The following CSNK1G2 variants were observed in gnomAD, a reference collection of about 807,000 sequenced individuals.
CSNK1G2 encodes casein kinase 1 gamma 2, also known as casein kinase I isoform gamma-2.
A neutral mutation model predicts 48.0 loss-of-function variants in CSNK1G2; 11 were observed. The ratio of observed to expected loss-of-function variants is 0.23; its 90% CI spans 0.14 to 0.38. The LOEUF is 0.38. Among genes scored for constraint, CSNK1G2 ranks in the 10% least tolerant of loss-of-function variants. The pLI is 1.00. For missense variants in CSNK1G2, 446 were observed against 595.5 expected, an observed-to-expected ratio of 0.75 and a Z score of 2.61; for synonymous variants, 337 against 254.1, an observed-to-expected ratio of 1.33 and a Z score of -3.10.
chr19:1,964,978 G>A (rs559281530), intron 1 of CSNK1G2, among the ~76,000 whole-genome samples: 208 of 151,018 alleles, frequency 1.4e-3, no homozygotes, highest in Non-Finnish European at 2.5e-3. Flanking sequence ...CGCCTGCCTC[G>A]GCCTCCCAAA....
At position 1,978,536 on chromosome 19, in the gene CSNK1G2, C is replaced by CGG; in HGVS notation, c.298+29_298+30dup. On this transcript the variant is annotated intron_variant, in intron 4 of 11. Coordinates refer to ENST00000255641, the MANE Select transcript of CSNK1G2 (RefSeq NM_001319.7). This position sits in a 1 kb window ranked among gnomAD's most constrained non-coding sequence, Gnocchi z 7.3. ...GGTACCGGGCGGCCCGCGGGTGGGG[C>CGG]GGGGGCTGCGCAGGGGCAGGGAGGG... 1.9e-6 allele frequency: 3 copies of CGG among 1,567,876 alleles called. No individual in the cohort carries two copies. Among genetic ancestry groups the CGG allele is most frequent in the Non-Finnish European group, 2.6e-6 (3 of 1,157,476 alleles).
At chr19:1,963,513 A>G (rs766833469) in intron 1 of CSNK1G2, among the ~76,000 whole-genome samples, 5 of 144,022 alleles carry the variant, frequency 3.5e-5, no homozygotes, top group South Asian at 2.2e-4. Context: ...CGCCCAGCCT[A>G]TTTTCTTTCT....
intron 1 of CSNK1G2, among the ~76,000 whole-genome samples, chr19:1,946,839 C>T (rs1167746339): frequency 6.6e-6 from 1 of 151,894 alleles, no homozygotes; most frequent in Non-Finnish European, 1.5e-5. Context: ...TCTCCATCTC[C>T]TGACCTTGTG....
chr19:1,959,656 C>G lies in CSNK1G2; in HGVS notation c.-265-9852C>G, dbSNP rs183902467. On this transcript the variant is annotated intron_variant, in intron 1 of 11. Transcript: ENST00000255641. ...TAGTGCCACCGTGGGTCCCCCAGCA[C>G]CCGCCCCACCTTTAGTGCCACCGTG... is the stretch of plus-strand genomic sequence containing the variant. 1.1e-4 allele frequency among the ~76,000 whole-genome samples: 14 copies of G among 132,146 alleles called. 1 individual carries two copies. The highest frequency in any genetic ancestry group is 3.6e-3 in the Middle Eastern group (1 of 280). 86.7% of individuals were successfully genotyped at this position (132,146 alleles called of 152,430 possible).
intron 1 of CSNK1G2, among the ~76,000 whole-genome samples, chr19:1,958,509 GCT>G (rs1293991710): frequency 8.9e-6 from 1 of 111,926 alleles, no homozygotes; most frequent in Non-Finnish European, 1.8e-5. Context: ...CAGCAGCTCA[GCT>G]CTCCCAGGCA....
chr19:1,974,974 A>G (rs2015703587), intron 2 of CSNK1G2: 7 of 775,720 alleles, frequency 9.0e-6, no homozygotes, highest in African/African-American at 1.9e-5. Context: ...TTCAGAGCCC[A>G]GAGCGCCCGA....
chr19:1,975,409 G>A, intron 2 of CSNK1G2: 1 of 985,490 alleles, frequency 1.0e-6, no homozygotes, highest in Non-Finnish European at 1.2e-6. Flanking sequence ...CGCAGGAAGA[G>A]CTACACAGCC....
chr19:1,961,488 G>A (rs1262299722), intron 1 of CSNK1G2, among the ~76,000 whole-genome samples: 1 of 152,250 alleles, frequency 6.6e-6, no homozygotes, highest in African/African-American at 2.4e-5. Flanking sequence ...CGTTTCTCCA[G>A]AAGGCCCTGC....
At chr19:1,948,154 C>T (rs189611338) in intron 1 of CSNK1G2, among the ~76,000 whole-genome samples, 8 of 152,284 alleles carry the variant, frequency 5.3e-5, no homozygotes, top group African/African-American at 1.2e-4. Flanking sequence ...TCTGGAAGGC[C>T]GCTGCCCCGG....
chr19:1,953,406 C>T (rs370365908), intron 1 of CSNK1G2: 10 of 534,316 alleles, frequency 1.9e-5, no homozygotes, highest in Non-Finnish European at 3.5e-5. Flanking sequence ...GTCTGGAAGG[C>T]CGTCTTTGTG....
chr19:1,960,035 G>A (rs1315425392), intron 1 of CSNK1G2, among the ~76,000 whole-genome samples: 1 of 152,198 alleles, frequency 6.6e-6, no homozygotes, highest in Non-Finnish European at 1.5e-5. Flanking sequence ...GGCATAACCT[G>A]GGGGAAGCCA....
chr19:1,978,820 G>C lies in CSNK1G2; in HGVS notation c.448-39G>C, dbSNP rs1269185957. On this transcript the variant is annotated intron_variant, in intron 5 of 11. Coordinates refer to ENST00000255641, the MANE Select transcript of CSNK1G2 (RefSeq NM_001319.7). The surrounding 1 kb of genome is among the most constrained non-coding windows in gnomAD (Gnocchi z 7.3). ...GGCCCTGGAGGGGAGCGCGTGGGAC[G>C]GGGAGGGGCCCGGCCGACACCGCCG... The C allele has an allele frequency of 2.5e-6, 4 of 1,592,104 alleles. No homozygotes were observed. Among genetic ancestry groups the C allele is most frequent in the Admixed American group, 1.7e-5 (1 of 58,728 alleles).
intron 2 of CSNK1G2, chr19:1,975,570 C>T (rs1445152298): frequency 3.1e-5 from 31 of 985,322 alleles, no homozygotes; most frequent in South Asian, 9.4e-5. Flanking sequence ...AGGAGCCCAC[C>T]GCAGGGGCAG....
chr19:1,970,196 T>A (rs745310830), intron 2 of CSNK1G2, among the ~76,000 whole-genome samples: 2 of 152,206 alleles, frequency 1.3e-5, no homozygotes, highest in African/African-American at 2.4e-5. Flanking sequence ...GAAACAGTTC[T>A]GTTGGGAGGC....
chr19:1,969,139 G>A (rs552138878), intron 1 of CSNK1G2, among the ~76,000 whole-genome samples: 43 of 152,264 alleles, frequency 2.8e-4, no homozygotes, highest in Non-Finnish European at 4.3e-4. Context: ...CTGGGGGTGC[G>A]ACTGCTCCCC....
intron 2 of CSNK1G2, among the ~76,000 whole-genome samples, chr19:1,976,642 A>G (rs1302609767): frequency 6.6e-6 from 1 of 152,078 alleles, no homozygotes; most frequent in Non-Finnish European, 1.5e-5. Context: ...GGGACTTTGA[A>G]TCCACCTTAG....
Position 1,978,584 on chromosome 19 carries a change from G to A in CSNK1G2, c.299-18G>A, listed in dbSNP as rs373031517. ...GGGGGCTGCCGCCGCACGCCCGTGC[G>A]TCTGTCCTCCGCCGCAGAGGGCGTC... On this transcript the variant is annotated intron_variant, in intron 4 of 11. Transcript: ENST00000255641. The surrounding 1 kb of genome is among the most constrained non-coding windows in gnomAD (Gnocchi z 7.3). 7.0e-6 allele frequency: 11 copies of A among 1,582,576 alleles called. No individual in the cohort carries two copies. The highest frequency in any genetic ancestry group is 1.7e-4 in the Middle Eastern group (1 of 5,976).
rs1156681403 is a variant in CSNK1G2 at position 1,957,738 on chromosome 19, G to T, written c.-265-11770G>T. Among the ~76,000 whole-genome samples the T allele has an allele frequency of 2.0e-5, 3 of 152,264 alleles. No homozygotes were observed. Among genetic ancestry groups the T allele is most frequent in the African/African-American group, 7.2e-5 (3 of 41,566 alleles). ...GAGGGCGTCTGGCGGCATTTGAGCA[G>T]CTGCCAGATCTCCCCTGGAAACACT... On this transcript the variant is annotated intron_variant, in intron 1 of 11. Coordinates refer to ENST00000255641, the MANE Select transcript of CSNK1G2 (RefSeq NM_001319.7). This position sits in a 1 kb window ranked among gnomAD's most constrained non-coding sequence, Gnocchi z 5.4.
chr19:1,956,794 G>A (rs1470341216), intron 1 of CSNK1G2, among the ~76,000 whole-genome samples: 3 of 152,224 alleles, frequency 2.0e-5, no homozygotes, highest in East Asian at 3.9e-4. Context: ...TGAGACAGCC[G>A]TCCAGAAGCT....
Sources: gnomAD v4.1 joint callset for allele counts (sites outside exome capture counted in the v4.1 genomes callset) on GRCh38, gnomAD v4.1.1 for gene constraint, Gnocchi (gnomAD v3.1) non-coding constraint, MANE v1.5 for transcripts, NCBI Gene and HGNC (gene_info 2026-07-23, HGNC 2026-07-21) for gene names.